COL4A6: variants seen among roughly 807,000 people sequenced by gnomAD.
COL4A6 encodes collagen alpha-6(IV) chain.
A neutral mutation model predicts 126.7 loss-of-function variants in COL4A6; 59 were observed. The ratio of observed to expected loss-of-function variants is 0.47; its 90% confidence interval spans 0.38 to 0.58. COL4A6 has a LOEUF of 0.58. Among genes scored for constraint, COL4A6 ranks in the 20% least tolerant of loss-of-function variants. The probability of loss-of-function intolerance (pLI) is 0.00; values close to 1 mark genes in which losing one functional copy is unlikely to be tolerated. For synonymous variants in COL4A6, 547 were observed against 496.6 expected (o/e 1.10, Z -1.35); for missense variants, 1,285 against 1,337.3 (o/e 0.96, Z 0.61).
At chrX:108,429,326 TA>T (rs957364512) in intron 2 of COL4A6, among the ~76,000 whole-genome samples, 2 of 112,060 alleles carry the variant, frequency 1.8e-5, no homozygotes, top group Admixed American at 1.9e-4. Context: ...GAGACAGTTA[TA>T]AAACTGTATA....
At chrX:108,319,362 A>G (rs987333394) in intron 2 of COL4A6, among the ~76,000 whole-genome samples, 2 of 112,130 alleles carry the variant, frequency 1.8e-5, no homozygotes, top group Non-Finnish European at 3.8e-5. Context: ...CTCTAAAAAA[A>G]CAAAAAGCCT....
At chrX:108,170,090 C>T in intron 35 of COL4A6, 74 bp from the exon 36 acceptor site, 1 of 865,978 alleles carries the variant, frequency 1.2e-6, no homozygotes, top group Non-Finnish European at 1.7e-6. Context: ...TAGCTACCTG[C>T]CCCCAAAGGC....
chrX:108,185,392 A>G (rs890214641), intron 23 of COL4A6, among the ~76,000 whole-genome samples: 1 of 15,900 alleles, frequency 6.3e-5, no homozygotes, highest in African/African-American at 1.9e-4. Context: ...TTCATTTCAG[A>G]AAAAAAAAAA....
chrX:108,282,034 A>C (rs1174055894), intron 3 of COL4A6, among the ~76,000 whole-genome samples: 1 of 111,335 alleles, frequency 9.0e-6, no homozygotes, highest in Non-Finnish European at 1.9e-5. Flanking sequence ...ACCTAAAACC[A>C]TAAAAACCCT....
chrX:108,159,895 T>C, intron 43 of COL4A6, 147 bp from the exon 44 acceptor site: 1 of 603,584 alleles, frequency 1.7e-6, no homozygotes, highest in Non-Finnish European at 2.8e-6. Context: ...TGTGCTGAAG[T>C]GTGTTGAGCA....
chrX:108,309,222 A>T (rs763910102), intron 3 of COL4A6, among the ~76,000 whole-genome samples: 1 of 108,538 alleles, frequency 9.2e-6, no homozygotes, highest in East Asian at 2.9e-4. Context: ...TTATTGTGAA[A>T]TTTTTTTTCT....
At chrX:108,231,298 C>T (rs1302826190) in intron 3 of COL4A6, among the ~76,000 whole-genome samples, 1 of 111,976 alleles carries the variant, frequency 8.9e-6, no homozygotes, top group Non-Finnish European at 1.9e-5. Context: ...GTTTTGTTTT[C>T]AAAGATACAT....
chrX:108,369,509 T>G (rs1386653116), intron 2 of COL4A6, among the ~76,000 whole-genome samples: 3 of 111,834 alleles, frequency 2.7e-5, no homozygotes, highest in Non-Finnish European at 5.6e-5. Flanking sequence ...ATGTCTGGTT[T>G]GCTCCCCATT....
chrX:108,326,479 CA>C (rs1045024794), intron 2 of COL4A6, among the ~76,000 whole-genome samples: 1 of 111,547 alleles, frequency 9.0e-6, no homozygotes, highest in Non-Finnish European at 1.9e-5. Context: ...TATGAAAATC[CA>C]AAGGACCTAG....
At chrX:108,377,725 C>G (rs1447967248) in intron 2 of COL4A6, among the ~76,000 whole-genome samples, 2 of 107,677 alleles carry the variant, frequency 1.9e-5, no homozygotes, top group African/African-American at 6.8e-5. Context: ...GTCAGGAGAT[C>G]GAGACCATCC....
chrX:108,165,809 C>T (rs1270668594), intron 37 of COL4A6, among the ~76,000 whole-genome samples: 2 of 112,564 alleles, frequency 1.8e-5, no homozygotes, highest in Non-Finnish European at 3.8e-5. Flanking sequence ...GACTGAGCAC[C>T]TGGACTTTTA....
upstream of COL4A6, chrX:108,439,456 G>T (rs1011952265): frequency 1.6e-5 from 8 of 485,004 alleles, no homozygotes; most frequent in South Asian, 5.2e-5. Context: ...AGGTAAAGAA[G>T]ACCAGCAGCC....
At chrX:108,196,669 G>T in intron 13 of COL4A6, 90 bp from the exon 14 acceptor site, 1 of 731,107 alleles carries the variant, frequency 1.4e-6, no homozygotes, top group Non-Finnish European at 2.1e-6. Flanking sequence ...TTTTAATTAA[G>T]CTCCACTCTC....
intron 27 of COL4A6, 71 bp downstream of exon 27, chrX:108,178,613 C>T (rs936879752): frequency 1.5e-5 from 16 of 1,076,941 alleles, no homozygotes; most frequent in Non-Finnish European, 2.0e-5. Context: ...TGCTATTGCC[C>T]CCCCAGGGCA....
intron 2 of COL4A6, among the ~76,000 whole-genome samples, chrX:108,372,600 G>C (rs1171134433): frequency 8.9e-6 from 1 of 111,735 alleles, no homozygotes; most frequent in Admixed American, 9.5e-5. Context: ...GTGTCAGAGG[G>C]AGGGGGTTGC....
intron 2 of COL4A6, among the ~76,000 whole-genome samples, chrX:108,330,560 A>G (rs1355832487): frequency 2.7e-5 from 3 of 111,429 alleles, no homozygotes; most frequent in Non-Finnish European, 3.8e-5. Context: ...AAGTACTGAT[A>G]GAGCCTGAAA....
At chrX:108,243,298 G>GC (rs1256374994) in intron 3 of COL4A6, among the ~76,000 whole-genome samples, 2 of 97,775 alleles carry the variant, frequency 2.0e-5, no homozygotes, top group Admixed American at 1.4e-4. Context: ...ATATGTTGAA[G>GC]CCCCCCTCCC....
intron 3 of COL4A6, among the ~76,000 whole-genome samples, chrX:108,274,773 T>C (rs2037551812): frequency 8.9e-6 from 1 of 111,925 alleles, no homozygotes; most frequent in African/African-American, 3.3e-5. Context: ...TCTTAGTTCC[T>C]AGAAGCTACT....
chrX:108,242,257 G>T (rs1442205153), intron 3 of COL4A6, among the ~76,000 whole-genome samples: 1 of 111,338 alleles, frequency 9.0e-6, no homozygotes, highest in Non-Finnish European at 1.9e-5. Flanking sequence ...CATAAAATTG[G>T]TCCTTTTAGC....
Sources: gnomAD v4.1 joint callset for allele counts (sites outside exome capture counted in the v4.1 genomes callset) on GRCh38, gnomAD v4.1.1 for gene constraint, MANE v1.5 for transcripts, NCBI Gene and HGNC (gene_info 2026-07-23, HGNC 2026-07-21) for gene names.